Variants in ITGA9 observed in about 807,000 individuals in gnomAD.
The protein encoded by ITGA9 is integrin subunit alpha 9.
A neutral mutation model predicts 127.8 loss-of-function variants in ITGA9; 56 were observed. The observed-to-expected ratio is 0.44, with a 90% CI of 0.35 to 0.55. The LOEUF (loss-of-function observed/expected upper bound fraction) is 0.55. Ranked by LOEUF, ITGA9 falls within the 20% of genes least tolerant of loss-of-function variation. The pLI is 0.00. For synonymous variants in ITGA9, 508 were observed against 514.5 expected, an observed-to-expected ratio of 0.99 and a Z score of 0.17; for missense variants, 1,196 against 1,347.1, an observed-to-expected ratio of 0.89 and a Z score of 1.76.
chr3:37,803,782 A>G (rs1274731692), intron 26 of ITGA9, 41 bp from the exon 27 acceptor site: 1 of 1,613,360 alleles, frequency 6.2e-7, no homozygotes, highest in Non-Finnish European at 8.5e-7. Flanking sequence ...TCAAAAAAAA[A>G]ATAAAAAAGG....
intron 17 of ITGA9, among the ~76,000 whole-genome samples, chr3:37,656,620 A>G (rs1033376756): frequency 5.9e-5 from 9 of 152,196 alleles, no homozygotes; most frequent in African/African-American, 9.6e-5. Flanking sequence ...TAAATATACA[A>G]TCATGTTGTC....
intron 18 of ITGA9, among the ~76,000 whole-genome samples, chr3:37,690,706 A>G (rs1368193681): frequency 1.3e-5 from 2 of 152,186 alleles, no homozygotes; most frequent in Admixed American, 6.5e-5. Flanking sequence ...GAGAACAAGC[A>G]GGGCAGGCAC....
At chr3:37,492,983 G>A (rs571417844) in intron 4 of ITGA9, among the ~76,000 whole-genome samples, 107 of 152,216 alleles carry the variant, frequency 7.0e-4, no homozygotes, top group Middle Eastern at 3.2e-3. Context: ...CAGCCCTGGT[G>A]CAAGATTCTG....
intron 26 of ITGA9, among the ~76,000 whole-genome samples, chr3:37,802,331 T>C (rs953341693): frequency 5.3e-5 from 8 of 152,190 alleles, no homozygotes; most frequent in African/African-American, 1.9e-4. Flanking sequence ...ATAACATCAG[T>C]ATTGTGCCCA....
intron 18 of ITGA9, among the ~76,000 whole-genome samples, chr3:37,705,871 C>G (rs1452861888): frequency 3.3e-5 from 5 of 152,224 alleles, no homozygotes; most frequent in Non-Finnish European, 7.3e-5. Flanking sequence ...CTGGCCCACC[C>G]CGAGCAAACC....
chr3:37,593,508 C>T (rs1699840259), intron 15 of ITGA9, among the ~76,000 whole-genome samples: 1 of 152,212 alleles, frequency 6.6e-6, no homozygotes, highest in African/African-American at 2.4e-5. Flanking sequence ...GGTGTGGGCT[C>T]TCTTCCTGGC....
intron 5 of ITGA9, among the ~76,000 whole-genome samples, chr3:37,499,630 G>C (rs1205562592): frequency 1.3e-5 from 2 of 152,120 alleles, no homozygotes; most frequent in African/African-American, 4.8e-5. Flanking sequence ...ATAGGGAACA[G>C]AAAAAACAAC....
chr3:37,529,799 G>C (rs1699130213), intron 13 of ITGA9, among the ~76,000 whole-genome samples: 2 of 152,180 alleles, frequency 1.3e-5, no homozygotes, highest in Non-Finnish European at 2.9e-5. Flanking sequence ...ATGAGGGATG[G>C]GGGGATGAGG....
At chr3:37,715,485 T>G (rs1009738497) in intron 18 of ITGA9, among the ~76,000 whole-genome samples, 7 of 152,216 alleles carry the variant, frequency 4.6e-5, no homozygotes, top group Admixed American at 1.3e-4. Context: ...AACCTGCTGT[T>G]CAGGGCCTCT....
chr3:37,771,797 G>T (rs1389163275), intron 23 of ITGA9, among the ~76,000 whole-genome samples: 1 of 152,084 alleles, frequency 6.6e-6, no homozygotes, highest in Non-Finnish European at 1.5e-5. Flanking sequence ...CATGGTCTAG[G>T]CAGGAGTCAT....
chr3:37,732,758 A>G lies in ITGA9; in HGVS notation c.2114A>G (p.Lys705Arg), dbSNP rs993300298. 1 of 1,611,716 alleles carries G rather than the reference A, an allele frequency of 6.2e-7. No homozygotes were observed. The highest frequency in any genetic ancestry group is 1.1e-5 in the South Asian group (1 of 89,872). ...GAGCTGCTGGAATCGGACTTCCTCA[A>G]ATGCAGCGTGGGATTTCCTTTCATG... ...SCELLESDFL[K>R]CSVGFPFMRS... is the part of the protein sequence containing the mutation. The change falls in exon 19 of 28, where the codon AAA becomes AGA. Residue 705 changes from lysine (K) to arginine (R), a missense_variant. Transcript: ENST00000264741.
intron 16 of ITGA9, among the ~76,000 whole-genome samples, chr3:37,653,134 T>C (rs1700444929): frequency 6.6e-6 from 1 of 152,254 alleles, no homozygotes; most frequent in African/African-American, 2.4e-5. Context: ...TGTTAACTGC[T>C]GGCTGCCCCA....
chr3:37,481,637 C>T (rs200914069), intron 4 of ITGA9, 30 bp downstream of exon 4: 143 of 1,614,014 alleles, frequency 8.9e-5, no homozygotes, highest in Non-Finnish European at 1.1e-4. Context: ...TCCTCATCCC[C>T]CTACCCACCT....
intron 4 of ITGA9, among the ~76,000 whole-genome samples, chr3:37,490,013 A>G (rs1289462258): frequency 1.3e-5 from 2 of 150,422 alleles, no homozygotes; most frequent in African/African-American, 4.9e-5. Context: ...GCATAGTCTG[A>G]GCTAATTCCA....
chr3:37,478,581 T>C (rs1350190930), intron 3 of ITGA9, among the ~76,000 whole-genome samples: 3 of 152,332 alleles, frequency 2.0e-5, no homozygotes, highest in Middle Eastern at 3.4e-3. Context: ...TTTCAGAGAA[T>C]GCTCTCCTTC....
At chr3:37,516,996 G>A (rs1008830492) in intron 9 of ITGA9, among the ~76,000 whole-genome samples, 1 of 152,164 alleles carries the variant, frequency 6.6e-6, no homozygotes, top group African/African-American at 2.4e-5. Context: ...GGCCAAGAAC[G>A]ACTGGGTGCT....
At chr3:37,546,280 T>C (rs1034920395) in intron 15 of ITGA9, among the ~76,000 whole-genome samples, 9 of 152,168 alleles carry the variant, frequency 5.9e-5, no homozygotes, top group African/African-American at 2.2e-4. Flanking sequence ...GAAAGGGAAA[T>C]GATCAAGTTC....
At chr3:37,754,687 A>C (rs1178223565) in intron 23 of ITGA9, among the ~76,000 whole-genome samples, 1 of 152,214 alleles carries the variant, frequency 6.6e-6, no homozygotes, top group Non-Finnish European at 1.5e-5. Flanking sequence ...ATTGACTTCA[A>C]TATGGCATGA....
Position 37,684,096 on chromosome 3 carries a change from A to T in ITGA9, c.2067+81A>T. The T allele has an allele frequency of 2.6e-6, 3 of 1,159,160 alleles. 1 individual carries two copies. The South Asian group carries it at 3.7e-5, about 14-fold the overall frequency. The allele number at this position is 1,159,160 out of a possible 1,614,324, so 71.8% of individuals were successfully genotyped here. A position where few individuals can be genotyped will look rare whatever the true frequency, so the allele number is the denominator to read the frequency against. On this transcript the variant is annotated intron_variant, in intron 18 of 27. Coordinates refer to ENST00000264741, the MANE Select transcript of ITGA9 (RefSeq NM_002207.3). Reference sequence around the variant, plus strand: ...CTTTCATTATTGCCTGGAATAGGCAATGATTCTACAAGCACTAATCCTTTC... The same window carrying T: ...CTTTCATTATTGCCTGGAATAGGCATTGATTCTACAAGCACTAATCCTTTC...
Sources: gnomAD v4.1 joint callset for allele counts (sites outside exome capture counted in the v4.1 genomes callset) on GRCh38, gnomAD v4.1.1 for gene constraint, MANE v1.5 for transcripts, NCBI Gene and HGNC (gene_info 2026-07-23, HGNC 2026-07-21) for gene names.